The following GPD2 variants were observed in gnomAD, a reference collection of about 807,000 sequenced individuals.
The protein encoded by GPD2 is glycerol-3-phosphate dehydrogenase, mitochondrial.
Under a neutral mutation model 82.4 loss-of-function variants are expected in GPD2, and 54 were observed. That is an observed-to-expected ratio of 0.66 (90% confidence interval 0.53 to 0.82). The LOEUF (loss-of-function observed/expected upper bound fraction) is 0.82. GPD2 is among the 40% of genes least tolerant of loss of function. The probability of loss-of-function intolerance (pLI) is 0.00; values close to 1 mark genes in which losing one functional copy is unlikely to be tolerated. For synonymous variants in GPD2, 288 were observed against 306.1 expected (o/e 0.94, Z 0.62); for missense variants, 748 against 896.2 (o/e 0.83, Z 2.11).
intron 6 of GPD2, among the ~76,000 whole-genome samples, chr2:156,533,908 G>T (rs1171491982): frequency 6.6e-6 from 1 of 152,170 alleles, no homozygotes; most frequent in Non-Finnish European, 1.5e-5. Context: ...TCTAGGGGTG[G>T]GTGTCTGTGA....
intron 2 of GPD2, among the ~76,000 whole-genome samples, chr2:156,490,867 A>G (rs1044629441): frequency 6.6e-6 from 1 of 152,238 alleles, no homozygotes. Context: ...CTCTTTACAT[A>G]ATTCACTTAT....
At chr2:156,578,830 G>A in intron 13 of GPD2, 59 bp from the exon 14 acceptor site, 1 of 980,892 alleles carries the variant, frequency 1.0e-6, no homozygotes, top group Non-Finnish European at 1.6e-6. Context: ...AGTAAAAAAA[G>A]GAGGAAAAAA....
At chr2:156,558,755 G>A (rs1348188947) in intron 9 of GPD2, among the ~76,000 whole-genome samples, 5 of 118,434 alleles carry the variant, frequency 4.2e-5, no homozygotes, top group South Asian at 2.9e-4. Flanking sequence ...CCACCACCAC[G>A]CCCAGCTAAC....
intron 8 of GPD2, among the ~76,000 whole-genome samples, chr2:156,554,232 A>T (rs1686876980): frequency 6.6e-6 from 1 of 152,232 alleles, no homozygotes; most frequent in Admixed American, 6.5e-5. Context: ...CTGTGGTATC[A>T]TCAGTCAATC....
the GPD2 span, among the ~76,000 whole-genome samples, chr2:156,418,223 G>GA: frequency 2.5e-4 from 37 of 146,488 alleles, 2 homozygotes; most frequent in African/African-American, 5.8e-4. Context: ...TCAAAAGGAA[G>GA]AAAAAAAAAA....
the GPD2 span, among the ~76,000 whole-genome samples, chr2:156,412,363 C>A: frequency 6.6e-6 from 1 of 151,074 alleles, no homozygotes; most frequent in African/African-American, 2.4e-5. Context: ...TGCTTGAACC[C>A]GGGAGGCGGA....
chr2:156,439,439 A>G (rs1157936168), intron 1 of GPD2, among the ~76,000 whole-genome samples: 1 of 144,568 alleles, frequency 6.9e-6, no homozygotes, highest in Non-Finnish European at 1.5e-5. Flanking sequence ...AAAATTAACC[A>G]GGCATGGTGG....
chr2:156,549,106 T>C (rs1686656367), intron 6 of GPD2, among the ~76,000 whole-genome samples: 2 of 152,252 alleles, frequency 1.3e-5, no homozygotes, highest in Non-Finnish European at 2.9e-5. Flanking sequence ...AGAAAAATCC[T>C]TTTACAGAAT....
intron 9 of GPD2, among the ~76,000 whole-genome samples, chr2:156,558,309 C>T (rs1687036838): frequency 6.6e-6 from 1 of 152,106 alleles, no homozygotes; most frequent in African/African-American, 2.4e-5. Flanking sequence ...TTTCCATATC[C>T]AGTCTAATGC....
chr2:156,496,226 T>C lies in GPD2; in HGVS notation c.274+11T>C, dbSNP rs1188276765. On this transcript the variant is annotated intron_variant, in intron 3 of 16. Coordinates refer to ENST00000438166, the MANE Select transcript of GPD2 (RefSeq NM_000408.5). ...ATGCTGTCACCAGAGGTAAGTCTTT[T>C]TTTTTTTTATTTTAATTTTAAGTTC... is the stretch of plus-strand genomic sequence containing the variant. The C allele has an allele frequency of 1.9e-6, 3 of 1,585,914 alleles. No individual in the cohort carries two copies. The highest frequency in any genetic ancestry group is 1.7e-5 in the Admixed American group (1 of 59,666).
intron 3 of GPD2, among the ~76,000 whole-genome samples, chr2:156,503,817 G>A (rs1684682291): frequency 6.6e-6 from 1 of 152,040 alleles, no homozygotes; most frequent in Non-Finnish European, 1.5e-5. Context: ...GAAACCAGGA[G>A]GCCATTAGTA....
At chr2:156,453,911 A>G (rs1224682299) in intron 1 of GPD2, among the ~76,000 whole-genome samples, 2 of 152,150 alleles carry the variant, frequency 1.3e-5, no homozygotes, top group African/African-American at 2.4e-5. Flanking sequence ...GAAAACTGCA[A>G]TGATGAAGAC....
rs938395965 is a variant in GPD2, at chr2:156,506,459, A to G, written c.275-4337A>G. Among the ~76,000 whole-genome samples, 12 of 152,314 alleles carry G rather than the reference A, an allele frequency of 7.9e-5. No individual in the cohort carries two copies. In the East Asian group the frequency reaches 1.3e-3, roughly 17 times the overall value. ...CATGTGATAACTTTTAAAATGTCCAATACTGGAAAAAGCAGTTTTGAGAGC... is the reference window on the plus strand; with the variant it reads ...CATGTGATAACTTTTAAAATGTCCAGTACTGGAAAAAGCAGTTTTGAGAGC... On this transcript the variant is annotated intron_variant, in intron 3 of 16. Coordinates refer to ENST00000438166, the MANE Select transcript of GPD2 (RefSeq NM_000408.5).
intron 2 of GPD2, among the ~76,000 whole-genome samples, chr2:156,483,845 C>T (rs910218041): frequency 4.6e-5 from 7 of 152,124 alleles, no homozygotes; most frequent in Non-Finnish European, 8.8e-5. Context: ...TTAACATTTT[C>T]GATCATTTAA....
chr2:156,439,396 A>C (rs1279551981), intron 1 of GPD2, among the ~76,000 whole-genome samples: 1 of 151,594 alleles, frequency 6.6e-6, no homozygotes, highest in Non-Finnish European at 1.5e-5. Context: ...CAGCCTGGAC[A>C]ACATGGAAAC....
chr2:156,567,220 A>AT (rs1188969940), intron 9 of GPD2, among the ~76,000 whole-genome samples: 11 of 151,522 alleles, frequency 7.3e-5, no homozygotes, highest in Non-Finnish European at 1.3e-4. Context: ...TGTTTTATCT[A>AT]TTTTTTTCTT....
At chr2:156,533,900 T>G (rs1441425033) in intron 6 of GPD2, among the ~76,000 whole-genome samples, 1 of 152,172 alleles carries the variant, frequency 6.6e-6, no homozygotes, top group Non-Finnish European at 1.5e-5. Context: ...CGGTAGCGTC[T>G]AGGGGTGGGT....
At chr2:156,483,987 C>CTT (rs10610989) in intron 2 of GPD2, among the ~76,000 whole-genome samples, 6 of 92,272 alleles carry the variant, frequency 6.5e-5, no homozygotes, top group African/African-American at 1.6e-4. Flanking sequence ...TGCTTGCTTG[C>CTT]TTTTTTTTTT....
At chr2:156,581,072 G>T (rs1343952127) in intron 16 of GPD2, among the ~76,000 whole-genome samples, 1 of 152,086 alleles carries the variant, frequency 6.6e-6, no homozygotes, top group Non-Finnish European at 1.5e-5. Flanking sequence ...TTATGAATAT[G>T]CTATGTGGTT....
Sources: allele counts gnomAD v4.1 joint callset (sites outside exome capture counted in the v4.1 genomes callset), GRCh38; gene constraint gnomAD v4.1.1; transcripts MANE v1.5; gene names NCBI Gene and HGNC (gene_info 2026-07-23, HGNC 2026-07-21).